The following PPP3CB variants were observed in gnomAD, a reference collection of about 807,000 sequenced individuals.
PPP3CB encodes protein phosphatase 3 catalytic subunit beta, also known as serine/threonine-protein phosphatase 2B catalytic subunit beta isoform.
Under a neutral mutation model 66.4 loss-of-function variants are expected in PPP3CB, and 8 were observed. The ratio of observed to expected loss-of-function variants is 0.12; its 90% CI spans 0.07 to 0.22. The LOEUF is 0.22. Ranked by LOEUF, PPP3CB falls within the 10% of genes least tolerant of loss-of-function variation. The pLI, the probability that PPP3CB is intolerant of heterozygous loss-of-function variation, is 1.00. For synonymous variants in PPP3CB, 208 were observed against 221.2 expected, an observed-to-expected ratio of 0.94 and a Z score of 0.53; for missense variants, 319 against 642.5, an observed-to-expected ratio of 0.50 and a Z score of 5.44.
chr10:73,482,460 G>A (rs534520834), intron 1 of PPP3CB, among the ~76,000 whole-genome samples: 11 of 145,264 alleles, frequency 7.6e-5, no homozygotes, highest in South Asian at 2.3e-4. Flanking sequence ...GGAGAATGGC[G>A]TGAACCCGGA....
chr10:73,467,707 TAATA>T (rs1196958701), intron 8 of PPP3CB, 29 bp from the exon 9 acceptor site: 6 of 1,493,728 alleles, frequency 4.0e-6, no homozygotes, highest in Non-Finnish European at 5.4e-6. Context: ...ATCAATAACT[TAATA>T]GATAAGTAAC....
intron 12 of PPP3CB, among the ~76,000 whole-genome samples, 197 bp from the exon 13 acceptor site, chr10:73,440,098 C>T (rs2056121332): frequency 6.6e-6 from 1 of 152,182 alleles, no homozygotes; most frequent in South Asian, 2.1e-4. Flanking sequence ...ACAGTTTACA[C>T]ACAGCACTAT....
chr10:73,471,495 T>G lies in PPP3CB; in HGVS notation c.642A>C (p.Glu214Asp). 1 of 1,610,854 alleles carries G rather than the reference T, an allele frequency of 6.2e-7. No individual in the cohort carries two copies. Among genetic ancestry groups the G allele is most frequent in the Non-Finnish European group, 8.5e-7 (1 of 1,178,758 alleles). The change falls in exon 5 of 14, where the codon GAA becomes GAC. Residue 214 changes from glutamate to aspartate, a missense_variant. Physicochemically the swap from Glu to Asp is conservative, Grantham distance 45 (BLOSUM62 2). Transcript: ENST00000360663. ...TCCTAATATCATCCAGTGTGTGTAT[T>G]TCTGGTGAAAGTCCACCATGAACAC... ...FLCVHGGLSP[E>D]IHTLDDIRRL... is the part of the protein sequence containing the mutation.
At chr10:73,485,494 A>G (rs12569942) in intron 1 of PPP3CB, among the ~76,000 whole-genome samples, 10,508 of 152,206 alleles carry the variant, frequency 0.069, 609 homozygotes, top group East Asian at 0.3. Context: ...CCAAGTGAAT[A>G]ACTTGACTCC....
chr10:73,438,434 AAATTTG>A lies in PPP3CB; in HGVS notation c.1397-20_1397-15del. ...ATCCTCGTATTGCTTAATAAAATGC[AAATTTG>A]ATAAGTCAGTAATTGAAAAACATTT... On this transcript the variant is annotated splice_polypyrimidine_tract_variant and intron_variant, in intron 13 of 13. Coordinates refer to ENST00000360663, the MANE Select transcript of PPP3CB (RefSeq NM_021132.4). 6.3e-7 allele frequency: 1 copy of A among 1,583,700 alleles called. No homozygotes were observed. Among genetic ancestry groups the A allele is most frequent in the Non-Finnish European group, 8.6e-7 (1 of 1,156,758 alleles).
chr10:73,491,710 A>G (rs919341935), intron 1 of PPP3CB, among the ~76,000 whole-genome samples: 2 of 152,092 alleles, frequency 1.3e-5, no homozygotes, highest in Non-Finnish European at 2.9e-5. Context: ...GCTCATGCCT[A>G]TAATCCCAGC....
chr10:73,478,417 G>T, intron 3 of PPP3CB, 82 bp downstream of exon 3: 1 of 1,291,238 alleles, frequency 7.7e-7, no homozygotes, highest in Non-Finnish European at 1.1e-6. Context: ...ACCTAACACA[G>T]GTACTTGTGA....
At chr10:73,481,379 G>A (rs1043183516) in intron 1 of PPP3CB, among the ~76,000 whole-genome samples, 1 of 151,226 alleles carries the variant, frequency 6.6e-6, no homozygotes. Flanking sequence ...GGGTGACGCA[G>A]GAGAATCACT....
At chr10:73,486,894 G>A (rs1024848604) in intron 1 of PPP3CB, among the ~76,000 whole-genome samples, 1 of 152,110 alleles carries the variant, frequency 6.6e-6, no homozygotes, top group Non-Finnish European at 1.5e-5. Context: ...TCATAGGCTG[G>A]GTGCCGTGGC....
chr10:73,492,879 C>T (rs934728621), intron 1 of PPP3CB, among the ~76,000 whole-genome samples: 4 of 152,292 alleles, frequency 2.6e-5, no homozygotes, highest in Admixed American at 2.6e-4. Context: ...GGTATCTGAT[C>T]TTAAACACAG....
At chr10:73,484,333 A>C (rs754762934) in intron 1 of PPP3CB, among the ~76,000 whole-genome samples, 3 of 151,784 alleles carry the variant, frequency 2.0e-5, no homozygotes, top group East Asian at 2.0e-4. Context: ...GCAGTGGCGC[A>C]ATCTCTGCTC....
chr10:73,484,027 A>G (rs1564568369), intron 1 of PPP3CB, among the ~76,000 whole-genome samples: 1 of 151,880 alleles, frequency 6.6e-6, no homozygotes, highest in Non-Finnish European at 1.5e-5. Context: ...CTGTAGTCCC[A>G]GCTACTTTGG....
At chr10:73,449,671 C>T (rs1250030196) in intron 10 of PPP3CB, among the ~76,000 whole-genome samples, 1 of 152,108 alleles carries the variant, frequency 6.6e-6, no homozygotes, top group Non-Finnish European at 1.5e-5. Context: ...AAAACGGATG[C>T]TATGTGGGTT....
intron 3 of PPP3CB, among the ~76,000 whole-genome samples, chr10:73,475,494 C>T (rs2056771233): frequency 6.6e-6 from 1 of 152,132 alleles, no homozygotes; most frequent in African/African-American, 2.4e-5. Context: ...AAATGAGAAA[C>T]TGAAGCAAAG....
chr10:73,458,899 G>A (rs1252420789), intron 9 of PPP3CB, among the ~76,000 whole-genome samples: 6 of 151,628 alleles, frequency 4.0e-5, no homozygotes, highest in East Asian at 3.9e-4. Flanking sequence ...GAGAAACCCC[G>A]TCACTACTAA....
chr10:73,463,953 C>CA (rs1275380545), intron 9 of PPP3CB, among the ~76,000 whole-genome samples: 1 of 151,890 alleles, frequency 6.6e-6, no homozygotes, highest in Non-Finnish European at 1.5e-5. Flanking sequence ...TTTTTTGAGA[C>CA]AGAGTCTCGC....
At chr10:73,439,923 C>T in intron 12 of PPP3CB, 22 bp from the exon 13 acceptor site, 1 of 1,610,120 alleles carries the variant, frequency 6.2e-7, no homozygotes, top group Non-Finnish European at 8.5e-7. Context: ...TGAGCAGAGG[C>T]ATGCAAAATG....
intron 10 of PPP3CB, among the ~76,000 whole-genome samples, chr10:73,450,300 G>C (rs1430083993): frequency 2.6e-5 from 4 of 152,140 alleles, no homozygotes; most frequent in African/African-American, 9.7e-5. Flanking sequence ...AGGAAGGAGA[G>C]AACAGAAGGC....
intron 1 of PPP3CB, among the ~76,000 whole-genome samples, chr10:73,487,564 C>CAAAAAAAAAAAAAAAAAAAA (rs746889105): frequency 4.6e-5 from 3 of 65,200 alleles, no homozygotes; most frequent in African/African-American, 1.2e-4. Flanking sequence ...AAACCAAAAC[C>CAAAAAAAAAAAAAAAAAAAA]AAAAAAAAAA....
Sources: allele counts gnomAD v4.1 joint callset (sites outside exome capture counted in the v4.1 genomes callset), GRCh38; gene constraint gnomAD v4.1.1; transcripts MANE v1.5; gene names NCBI Gene and HGNC (gene_info 2026-07-23, HGNC 2026-07-21).